Variants in SLCO5A1 observed in about 807,000 individuals in gnomAD.
SLCO5A1 encodes organic anion transporter polypeptide-related protein 4.
In SLCO5A1, 39 loss-of-function variants were observed where a neutral mutation model predicts 65.1. The ratio of observed to expected loss-of-function variants is 0.60; its 90% CI spans 0.46 to 0.78. The LOEUF is 0.78. Ranked by LOEUF, SLCO5A1 falls within the 30% of genes least tolerant of loss-of-function variation. The pLI is 0.00. For synonymous variants in SLCO5A1, 438 were observed against 415.7 expected (o/e 1.05, Z -0.65); for missense variants, 1,029 against 1,069.4 (o/e 0.96, Z 0.53).
chr8:69,722,775 T>C (rs1242444121), intron 5 of SLCO5A1, among the ~76,000 whole-genome samples: 1 of 96,274 alleles, frequency 1.0e-5, no homozygotes, highest in African/African-American at 4.1e-5. Flanking sequence ...AACACATGCA[T>C]GGTGTGTGTG....
At chr8:69,673,471 C>T in intron 9 of SLCO5A1, 145 bp from the exon 10 acceptor site, 1 of 657,706 alleles carries the variant, frequency 1.5e-6, no homozygotes, top group South Asian at 1.9e-5. Flanking sequence ...TTTTAAGACG[C>T]ATCATATTTT....
chr8:69,826,688 A>G (rs559461166), intron 2 of SLCO5A1, among the ~76,000 whole-genome samples: 1 of 152,088 alleles, frequency 6.6e-6, no homozygotes, highest in Non-Finnish European at 1.5e-5. Context: ...TGGTGGGACT[A>G]GTTCAACCAA....
intron 2 of SLCO5A1, among the ~76,000 whole-genome samples, chr8:69,805,364 C>T (rs1819947835): frequency 6.6e-6 from 1 of 152,142 alleles, no homozygotes; most frequent in African/African-American, 2.4e-5. Flanking sequence ...AGAGAGGAAG[C>T]AGCTTCGGTT....
intron 2 of SLCO5A1, among the ~76,000 whole-genome samples, chr8:69,827,648 G>A (rs751890310): frequency 1.3e-5 from 2 of 152,000 alleles, no homozygotes; most frequent in African/African-American, 2.4e-5. Flanking sequence ...TTAGAAAAAC[G>A]GACAGGAAGA....
chr8:69,746,749 A>C (rs140589332), intron 4 of SLCO5A1, among the ~76,000 whole-genome samples: 1 of 152,336 alleles, frequency 6.6e-6, no homozygotes, highest in African/African-American at 2.4e-5. Context: ...AAGCTTCCAT[A>C]TTAATCATGT....
rs1813554688 is a variant in SLCO5A1, at chr8:69,676,483, C to T, written c.2089+126G>A. ...TCAGAAAACAAGGAAGTTGTACCCTCACCACTAGCCTGTAAAATCTTATTC... is the reference window on the plus strand; with the variant it reads ...TCAGAAAACAAGGAAGTTGTACCCTTACCACTAGCCTGTAAAATCTTATTC... On this transcript the variant is annotated intron_variant, in intron 9 of 9. Transcript: ENST00000260126. 4 of 675,150 alleles carry T rather than the reference C, an allele frequency of 5.9e-6. No homozygotes were observed. In the South Asian group the frequency reaches 6.8e-5, roughly 11 times the overall value. 41.8% of individuals were successfully genotyped at this position (675,150 alleles called of 1,614,324 possible).
chr8:69,686,141 T>TAAGG (rs1304858879), intron 6 of SLCO5A1, among the ~76,000 whole-genome samples: 2 of 151,788 alleles, frequency 1.3e-5, no homozygotes, highest in African/African-American at 4.8e-5. Flanking sequence ...TGCCTCCTTT[T>TAAGG]GAGTTCCTCT....
In SLCO5A1 at chr8:69,759,705, G is replaced by A. The variant is rs1451153726; in HGVS notation, c.1040+2038C>T. 2.6e-5 allele frequency among the ~76,000 whole-genome samples: 4 copies of A among 152,082 alleles called. No individual in the cohort carries two copies. The East Asian group carries it at 7.7e-4, about 29-fold the overall frequency. ...CTGTCACTCAGGCTGGAGTGCAATGGTGCCAACTCAGCTCACTGCAACCTC... is the reference window on the plus strand; with the variant it reads ...CTGTCACTCAGGCTGGAGTGCAATGATGCCAACTCAGCTCACTGCAACCTC... On this transcript the variant is annotated intron_variant, in intron 3 of 9. Coordinates refer to ENST00000260126, the MANE Select transcript of SLCO5A1 (RefSeq NM_030958.3).
At chr8:69,798,020 T>A (rs541768470) in intron 2 of SLCO5A1, among the ~76,000 whole-genome samples, 4 of 152,120 alleles carry the variant, frequency 2.6e-5, no homozygotes, top group Non-Finnish European at 4.4e-5. Flanking sequence ...ACATGTGATG[T>A]CTCCCCCGGA....
intron 1 of SLCO5A1, chr8:69,833,385 T>C (rs1337639540): frequency 2.0e-5 from 3 of 152,238 alleles, no homozygotes; most frequent in Non-Finnish European, 2.9e-5. Context: ...CTCTCCCTCA[T>C]TGTCTGCCGC....
intron 4 of SLCO5A1, among the ~76,000 whole-genome samples, chr8:69,751,849 T>C (rs1434343733): frequency 6.6e-6 from 1 of 152,174 alleles, no homozygotes; most frequent in Non-Finnish European, 1.5e-5. Context: ...ACCTGGCCAA[T>C]AGTTTTCTGT....
chr8:69,809,733 G>GGTGTGTGT (rs111791623), intron 2 of SLCO5A1, among the ~76,000 whole-genome samples: 78 of 149,282 alleles, frequency 5.2e-4, no homozygotes, highest in African/African-American at 1.8e-3. Context: ...TAAGGAGTGT[G>GGTGTGTGT]GTGTGTGTGT....
At position 69,814,818 on chromosome 8, in the gene SLCO5A1, TA is replaced by T. The variant is rs112814283; in HGVS notation, c.907+16948del. Among the ~76,000 whole-genome samples, 330 of 152,012 alleles carry T rather than the reference TA, an allele frequency of 2.2e-3. 1 individual carries two copies. The highest frequency in any genetic ancestry group is 7.5e-3 in the African/African-American group (309 of 41,450). On this transcript the variant is annotated intron_variant, in intron 2 of 9. Coordinates refer to ENST00000260126, the MANE Select transcript of SLCO5A1 (RefSeq NM_030958.3). ...ATGGATATAGAAAACTATTCCACCT[TA>T]AAAAAAAGAAGGAAATTCTGTCATT...
intron 6 of SLCO5A1, among the ~76,000 whole-genome samples, chr8:69,693,602 G>C (rs1814367265): frequency 6.6e-6 from 1 of 152,098 alleles, no homozygotes; most frequent in Admixed American, 6.5e-5. Flanking sequence ...TCAAACCCTA[G>C]CTCAGCCATT....
At chr8:69,674,548 T>A (rs1255679392) in intron 9 of SLCO5A1, among the ~76,000 whole-genome samples, 1 of 152,184 alleles carries the variant, frequency 6.6e-6, no homozygotes, top group African/African-American at 2.4e-5. Flanking sequence ...CCAACTAGAC[T>A]TTTTCACAAT....
chr8:69,792,970 GT>G (rs890542329), intron 2 of SLCO5A1, among the ~76,000 whole-genome samples: 5 of 151,622 alleles, frequency 3.3e-5, no homozygotes, highest in South Asian at 2.1e-4. Flanking sequence ...TTGTTGTTTG[GT>G]TTTTTTGTTT....
At chr8:69,715,766 ATAG>A (rs1348142606) in intron 5 of SLCO5A1, among the ~76,000 whole-genome samples, 1 of 152,208 alleles carries the variant, frequency 6.6e-6, no homozygotes. Flanking sequence ...TTTCATAAAT[ATAG>A]TCACATCACT....
intron 5 of SLCO5A1, among the ~76,000 whole-genome samples, chr8:69,722,461 CTT>C (rs1230944511): frequency 2.0e-5 from 3 of 152,042 alleles, no homozygotes; most frequent in African/African-American, 7.2e-5. Context: ...AGTACTTACA[CTT>C]AATATTATTT....
intron 8 of SLCO5A1, among the ~76,000 whole-genome samples, chr8:69,678,982 A>ATTTC (rs1813656342): frequency 6.6e-6 from 1 of 152,196 alleles, no homozygotes; most frequent in Non-Finnish European, 1.5e-5. Context: ...CCTTTGCTGT[A>ATTTC]TGCACGATTT....
Sources: gnomAD v4.1 joint callset for allele counts (sites outside exome capture counted in the v4.1 genomes callset) on GRCh38, gnomAD v4.1.1 for gene constraint, MANE v1.5 for transcripts, NCBI Gene and HGNC (gene_info 2026-07-23, HGNC 2026-07-21) for gene names.